The following PPM1E variants were observed in gnomAD, a reference collection of about 807,000 sequenced individuals.
PPM1E encodes the protein protein phosphatase, Mg2+/Mn2+ dependent 1E.
A neutral mutation model predicts 65.9 loss-of-function variants in PPM1E; 20 were observed. That is an observed-to-expected ratio of 0.30 (90% CI 0.21 to 0.44). The LOEUF (loss-of-function observed/expected upper bound fraction) is 0.44, where lower values mean the gene tolerates loss of function less well. PPM1E is among the 20% of genes least tolerant of loss of function. PPM1E has a pLI of 1.00. For synonymous variants in PPM1E, 352 were observed against 374.9 expected (o/e 0.94, Z 0.70); for missense variants, 713 against 953.1 (o/e 0.75, Z 3.32).
intron 1 of PPM1E, among the ~76,000 whole-genome samples, chr17:58,817,574 G>A (rs2050438557): frequency 6.6e-6 from 1 of 151,898 alleles, no homozygotes; most frequent in African/African-American, 2.4e-5. Context: ...TACATTCACT[G>A]AGAAGTTAAA....
intron 1 of PPM1E, among the ~76,000 whole-genome samples, chr17:58,944,102 A>G (rs778373265): frequency 6.6e-6 from 1 of 151,364 alleles, no homozygotes; most frequent in Non-Finnish European, 1.5e-5. Context: ...CCTATCCCCT[A>G]TCAGTTACTG....
Position 58,873,409 on chromosome 17 carries a change from T to C in PPM1E, c.465-82240T>C, listed in dbSNP as rs182015328. Reference sequence around the variant, plus strand: ...CAATTTGAGTCTGAAATATCAAACATTGAAGAATACAAAATTTATTTTCTA... The same window carrying C: ...CAATTTGAGTCTGAAATATCAAACACTGAAGAATACAAAATTTATTTTCTA... On this transcript the variant is annotated intron_variant, in intron 1 of 6. Transcript: ENST00000308249. 6.5e-3 allele frequency among the ~76,000 whole-genome samples: 982 copies of C among 152,058 alleles called. 13 individuals carry two copies. The highest frequency in any genetic ancestry group is 0.017 in the South Asian group (82 of 4,818).
chr17:58,820,125 G>C (rs1382659514), intron 1 of PPM1E, among the ~76,000 whole-genome samples: 1 of 152,034 alleles, frequency 6.6e-6, no homozygotes, highest in East Asian at 1.9e-4. Context: ...AGAGAACCAG[G>C]GGGATGGTGC....
At chr17:58,922,817 T>C (rs866668648) in intron 1 of PPM1E, among the ~76,000 whole-genome samples, 2 of 151,804 alleles carry the variant, frequency 1.3e-5, no homozygotes, top group African/African-American at 4.8e-5. Context: ...CCTGAGTAGC[T>C]AGGACTACAG....
At chr17:58,824,069 C>T (rs2050507540) in intron 1 of PPM1E, among the ~76,000 whole-genome samples, 1 of 151,938 alleles carries the variant, frequency 6.6e-6, no homozygotes, top group Non-Finnish European at 1.5e-5. Context: ...TGGACTATCC[C>T]CAAATATATG....
chr17:58,951,619 G>T (rs1477984715), intron 1 of PPM1E: 3 of 150,168 alleles, frequency 2.0e-5, no homozygotes, highest in Non-Finnish European at 4.4e-5. Flanking sequence ...AGGTTGCAGT[G>T]AGCCAAGATT....
chr17:58,853,846 A>G (rs1290718823), intron 1 of PPM1E, among the ~76,000 whole-genome samples: 2 of 151,988 alleles, frequency 1.3e-5, no homozygotes, highest in African/African-American at 4.8e-5. Context: ...AAGAAAAGAA[A>G]GTGTGAAGTG....
intron 1 of PPM1E, among the ~76,000 whole-genome samples, chr17:58,940,602 T>C (rs1189910725): frequency 6.6e-6 from 1 of 152,214 alleles, no homozygotes; most frequent in East Asian, 1.9e-4. Context: ...TTTCTTACAT[T>C]TGTTGAACCT....
At chr17:58,829,997 A>G (rs2050582806) in intron 1 of PPM1E, among the ~76,000 whole-genome samples, 1 of 152,082 alleles carries the variant, frequency 6.6e-6, no homozygotes, top group Non-Finnish European at 1.5e-5. Context: ...CCTGGTCAAC[A>G]TAGTAAGACC....
In PPM1E at chr17:58,783,928, C is replaced by T. The variant is rs2050072984; in HGVS notation, c.464+27467C>T. On this transcript the variant is annotated intron_variant, in intron 1 of 6. Coordinates refer to ENST00000308249, the MANE Select transcript of PPM1E (RefSeq NM_014906.5). ...GTTTCGACATGCTGGCCAGGCTGGT[C>T]TCAAACTCCTGTCCTCAGGTGATCC... Among the ~76,000 whole-genome samples the T allele has an allele frequency of 2.0e-5, 3 of 151,610 alleles. No individual in the cohort carries two copies. In the South Asian group the frequency reaches 6.2e-4, roughly 32 times the overall value.
chr17:58,759,473 A>G (rs2049802389), intron 1 of PPM1E, among the ~76,000 whole-genome samples: 1 of 152,232 alleles, frequency 6.6e-6, no homozygotes, highest in Non-Finnish European at 1.5e-5. Context: ...TGTAGTTTAT[A>G]TGGGTCAATA....
intron 1 of PPM1E, among the ~76,000 whole-genome samples, chr17:58,771,918 A>G (rs928037264): frequency 2.0e-5 from 3 of 152,184 alleles, no homozygotes; most frequent in African/African-American, 4.8e-5. Flanking sequence ...AAGTCAGGCA[A>G]GTTAACCAGC....
chr17:58,955,235 C>T (rs2029868270), intron 1 of PPM1E, among the ~76,000 whole-genome samples: 1 of 152,156 alleles, frequency 6.6e-6, no homozygotes, highest in African/African-American at 2.4e-5. Context: ...CATGGTGGCA[C>T]ATGCCTGTAG....
At chr17:58,822,315 T>C (rs1032065876) in intron 1 of PPM1E, among the ~76,000 whole-genome samples, 2 of 149,446 alleles carry the variant, frequency 1.3e-5, no homozygotes, top group African/African-American at 4.9e-5. Flanking sequence ...AGTTGCTAAG[T>C]CTGAATTTAT....
At chr17:58,915,848 TTG>T (rs1369689823) in intron 1 of PPM1E, among the ~76,000 whole-genome samples, 1 of 152,204 alleles carries the variant, frequency 6.6e-6, no homozygotes, top group Non-Finnish European at 1.5e-5. Flanking sequence ...GATAGAAAAT[TTG>T]TGTTCTAGGT....
intron 1 of PPM1E, among the ~76,000 whole-genome samples, chr17:58,897,462 T>A (rs1028927423): frequency 5.9e-5 from 9 of 151,794 alleles, no homozygotes; most frequent in Admixed American, 5.2e-4. Flanking sequence ...GGTAATGCAA[T>A]GCACCTGGTC....
chr17:58,858,872 A>G (rs1345471243), intron 1 of PPM1E, among the ~76,000 whole-genome samples: 1 of 152,194 alleles, frequency 6.6e-6, no homozygotes, highest in Non-Finnish European at 1.5e-5. Flanking sequence ...ATCATATGGT[A>G]GTTCTATTTG....
intron 1 of PPM1E, among the ~76,000 whole-genome samples, chr17:58,805,974 C>CAAAAAAAAAA (rs1341289870): frequency 2.7e-5 from 2 of 74,010 alleles, no homozygotes; most frequent in African/African-American, 1.2e-4. Flanking sequence ...AAAAAAAAAA[C>CAAAAAAAAAA]AAAAAAAAAA....
At chr17:58,795,754 T>C (rs1287900144) in intron 1 of PPM1E, among the ~76,000 whole-genome samples, 1 of 152,152 alleles carries the variant, frequency 6.6e-6, no homozygotes, top group Admixed American at 6.5e-5. Context: ...TGGTATCTCA[T>C]TGGGGTTTTG....
Sources: allele counts gnomAD v4.1 joint callset (sites outside exome capture counted in the v4.1 genomes callset), GRCh38; gene constraint gnomAD v4.1.1; transcripts MANE v1.5; gene names NCBI Gene and HGNC (gene_info 2026-07-23, HGNC 2026-07-21).